Variants in CDK5RAP1 observed in about 807,000 individuals in gnomAD.
CDK5RAP1 encodes mitochondrial tRNA methylthiotransferase CDK5RAP1.
In CDK5RAP1, 62 loss-of-function variants were observed where a neutral mutation model predicts 64.5. That is an observed-to-expected ratio of 0.96 (90% CI 0.78 to 1.19). The LOEUF is 1.19. Among genes scored for constraint, CDK5RAP1 ranks in the 50% most tolerant of loss-of-function variants. The pLI is 0.00. For missense variants in CDK5RAP1, 657 were observed against 735.0 expected (o/e 0.89, Z 1.23); for synonymous variants, 250 against 261.9 (o/e 0.95, Z 0.44).
intron 12 of CDK5RAP1, 94 bp downstream of exon 12, chr20:33,366,765 G>C (rs1390990538): frequency 8.4e-7 from 1 of 1,194,006 alleles, no homozygotes; most frequent in Non-Finnish European, 1.2e-6. Flanking sequence ...CCAGCAGTTT[G>C]AGTCCAGCCT....
rs544547970 is a variant in CDK5RAP1, at chr20:33,382,408, C to T, written c.877-2717G>A. 1.1e-3 allele frequency among the ~76,000 whole-genome samples: 169 copies of T among 152,238 alleles called. 2 individuals carry two copies. Among genetic ancestry groups the T allele is most frequent in the African/African-American group, 3.7e-3 (154 of 41,546 alleles). On this transcript the variant is annotated intron_variant, in intron 7 of 13. Transcript: ENST00000346416. ...TATTAAAAATATTCTTGGCCAGACACGGTGGCTCATGCCTGTAATCCTAGC... is the reference window on the plus strand; with the variant it reads ...TATTAAAAATATTCTTGGCCAGACATGGTGGCTCATGCCTGTAATCCTAGC...
At chr20:33,369,872 C>T (rs762661992) in intron 11 of CDK5RAP1, among the ~76,000 whole-genome samples, 11 of 152,212 alleles carry the variant, frequency 7.2e-5, no homozygotes, top group Non-Finnish European at 1.3e-4. Flanking sequence ...CCTTCAACCT[C>T]CTGCCCAAAC....
chr20:33,364,693 G>A (rs569617915), intron 12 of CDK5RAP1, among the ~76,000 whole-genome samples: 13 of 151,886 alleles, frequency 8.6e-5, no homozygotes, highest in African/African-American at 3.1e-4. Flanking sequence ...TCTTGCCTCA[G>A]CCTCCCGAGT....
intron 9 of CDK5RAP1, chr20:33,372,984 T>G: frequency 4.0e-6 from 1 of 247,412 alleles, no homozygotes; most frequent in South Asian, 6.5e-5. Context: ...ACAATCTCGG[T>G]TCACTGCAAC....
chr20:33,389,585 TA>T (rs1394666399), intron 5 of CDK5RAP1, among the ~76,000 whole-genome samples: 1 of 135,422 alleles, frequency 7.4e-6, no homozygotes, highest in African/African-American at 2.9e-5. Context: ...CGGGAGGGAG[TA>T]GGGGGCAGCC....
At position 33,373,921 on chromosome 20, in the gene CDK5RAP1, C is replaced by T. The variant is rs1985526687; in HGVS notation, c.1205+194G>A. The T allele has an allele frequency of 7.0e-6, 4 of 569,646 alleles. No individual in the cohort carries two copies. The South Asian group carries it at 9.0e-5, about 13-fold the overall frequency. The allele number at this position is 569,646 out of a possible 1,614,324, so 35.3% of individuals were successfully genotyped here. On this transcript the variant is annotated intron_variant, in intron 9 of 13. Coordinates refer to ENST00000346416, the MANE Select transcript of CDK5RAP1 (RefSeq NM_016408.4). Reference sequence around the variant, plus strand: ...TAAACTAAACAGTGAAAATGGGTGACCAGTCCTTAGCCTTTGCTTATGAAG... The same window carrying T: ...TAAACTAAACAGTGAAAATGGGTGATCAGTCCTTAGCCTTTGCTTATGAAG...
intron 12 of CDK5RAP1, among the ~76,000 whole-genome samples, chr20:33,366,604 T>C (rs1984008562): frequency 6.6e-6 from 1 of 152,096 alleles, no homozygotes; most frequent in South Asian, 2.1e-4. Context: ...AGAGCGAGAC[T>C]CCGTCTCAAA....
chr20:33,392,559 G>T (rs1357300652), intron 4 of CDK5RAP1, among the ~76,000 whole-genome samples: 1 of 150,104 alleles, frequency 6.7e-6, no homozygotes, highest in African/African-American at 2.5e-5. Context: ...TTCCAATGTG[G>T]CCCAGGGAAG....
At position 33,394,954 on chromosome 20, in the gene CDK5RAP1, G is replaced by A. The variant is rs1007452020; in HGVS notation, c.408+59C>T. 4.0e-5 allele frequency: 42 copies of A among 1,039,098 alleles called. No individual in the cohort carries two copies. In the African/African-American group the frequency reaches 6.1e-4, roughly 15 times the overall value. The allele number at this position is 1,039,098 out of a possible 1,614,324, so 64.4% of individuals were successfully genotyped here. A position where few individuals can be genotyped will look rare whatever the true frequency, so the allele number is the denominator to read the frequency against. On this transcript the variant is annotated intron_variant, in intron 3 of 13. Coordinates refer to ENST00000346416, the MANE Select transcript of CDK5RAP1 (RefSeq NM_016408.4). ...CTCCTGAAACTACACCTAAGAACTG[G>A]CACAAATGCAGAATCTTGCCCAGGT...
At position 33,395,016 on chromosome 20, in the gene CDK5RAP1, T is replaced by C. The variant is rs775852274; in HGVS notation, c.405A>G (p.Gln135=). 2.5e-6 allele frequency: 4 copies of C among 1,572,266 alleles called. No individual in the cohort carries two copies. The highest frequency in any genetic ancestry group is 2.2e-5 in the East Asian group (1 of 44,652). The stretch of plus-strand genomic sequence containing the variant: ...AGGAAATAGGAAATGCATGTACCTC[T>C]TGGAGGTTACTGGTCCGCAGGTAGC... ...KSGYLRTSNL[Q]EADVILLVTC... Residue 135 remains glutamine (Q), a synonymous_variant, in exon 3 of 14, where the codon CAA becomes CAG. Transcript: ENST00000346416.
At chr20:33,395,207 ATC>A in intron 2 of CDK5RAP1, 91 bp from the exon 3 acceptor site, 2 of 738,224 alleles carry the variant, frequency 2.7e-6, no homozygotes, top group Non-Finnish European at 4.9e-6. Flanking sequence ...CTCTAGAAAT[ATC>A]TGAGGCATCT....
At chr20:33,390,112 T>C (rs1988130259) in intron 5 of CDK5RAP1, among the ~76,000 whole-genome samples, 1 of 151,660 alleles carries the variant, frequency 6.6e-6, no homozygotes, top group South Asian at 2.1e-4. Context: ...CCCACATCTC[T>C]ACAAAAAATA....
At chr20:33,395,144 T>C (rs1314860363) in intron 2 of CDK5RAP1, 28 bp from the exon 3 acceptor site, 31 of 1,340,032 alleles carry the variant, frequency 2.3e-5, no homozygotes, top group African/African-American at 4.3e-5. Flanking sequence ...GGGGAATCCA[T>C]GGTAGACAGA....
At position 33,389,182 on chromosome 20, in the gene CDK5RAP1, C is replaced by T. The variant is rs1463694171; in HGVS notation, c.545-1649G>A. ...GCCATCCCGTCTAGGAAGTGAGCAG[C>T]GTCTCTGCCCGGCCACCCATCGTCT... On this transcript the variant is annotated intron_variant, in intron 5 of 13. Coordinates refer to ENST00000346416, the MANE Select transcript of CDK5RAP1 (RefSeq NM_016408.4). 2.0e-5 allele frequency among the ~76,000 whole-genome samples: 3 copies of T among 151,950 alleles called. No homozygotes were observed. The East Asian group carries it at 5.9e-4, about 30-fold the overall frequency.
chr20:33,390,714 G>A (rs1420834365), intron 5 of CDK5RAP1, among the ~76,000 whole-genome samples: 1 of 152,140 alleles, frequency 6.6e-6, no homozygotes, highest in Non-Finnish European at 1.5e-5. Flanking sequence ...TGAAGGAACT[G>A]AAATGGAACA....
chr20:33,399,395 C>T (rs1040110277), intron 1 of CDK5RAP1, among the ~76,000 whole-genome samples: 1 of 152,170 alleles, frequency 6.6e-6, no homozygotes, highest in Non-Finnish European at 1.5e-5. Flanking sequence ...CTGGCCATCA[C>T]CCCCGAAGTC....
At chr20:33,362,644 T>C (rs1011440377) in intron 12 of CDK5RAP1, among the ~76,000 whole-genome samples, 7 of 152,060 alleles carry the variant, frequency 4.6e-5, no homozygotes, top group Non-Finnish European at 1.0e-4. Context: ...AAAGCAAAAA[T>C]AACAATGATT....
Position 33,387,457 on chromosome 20 carries a change from G to C in CDK5RAP1, c.621C>G (p.Ala207=), listed in dbSNP as rs753424494. The C allele has an allele frequency of 3.7e-6, 6 of 1,613,938 alleles. No individual in the cohort carries two copies. The highest frequency in any genetic ancestry group is 5.1e-6 in the Non-Finnish European group (6 of 1,179,976). ...CCAGCAGCCGGGGAAGGTCCCGGTA[G>C]GCATCAGGACCAGCCAAAATATCTA... is the stretch of plus-strand genomic sequence containing the variant. The part of the protein sequence containing the change: ...KMVDILAGPD[A]YRDLPRLLAV... The change falls in exon 6 of 14, where the codon GCC becomes GCG. Residue 207 remains alanine (A), a synonymous_variant. Transcript: ENST00000346416.
rs79860286 is a variant in CDK5RAP1 at position 33,400,035 on chromosome 20, G to A, written c.-21+1393C>T. ...CTCCAGCCTGGGCAACAGAGAGAGA[G>A]AGAACTTGTCTCAAAAAAAAGGAAA... is the stretch of plus-strand genomic sequence containing the variant. On this transcript the variant is annotated intron_variant, in intron 1 of 13. Transcript: ENST00000346416. 8.7e-3 allele frequency among the ~76,000 whole-genome samples: 1,317 copies of A among 152,044 alleles called. 12 individuals carry two copies. Among genetic ancestry groups the A allele is most frequent in the African/African-American group, 0.029 (1,202 of 41,350 alleles).
Sources: allele counts gnomAD v4.1 joint callset (sites outside exome capture counted in the v4.1 genomes callset), GRCh38; gene constraint gnomAD v4.1.1; transcripts MANE v1.5; gene names NCBI Gene and HGNC (gene_info 2026-07-23, HGNC 2026-07-21).